LRRIQ3: variants seen among roughly 807,000 people sequenced by gnomAD.
The protein encoded by LRRIQ3 is leucine-rich repeat and IQ domain-containing protein 3.
Under a neutral mutation model 59.3 loss-of-function variants are expected in LRRIQ3, and 75 were observed. That is an observed-to-expected ratio of 1.26 (90% CI 1.05 to 1.53). The LOEUF (loss-of-function observed/expected upper bound fraction) is 1.53. LRRIQ3 is among the 40% of genes most tolerant of loss of function. The probability of loss-of-function intolerance (pLI) is 0.00; values close to 1 mark genes in which losing one functional copy is unlikely to be tolerated. For missense variants in LRRIQ3, 831 were observed against 710.0 expected, an observed-to-expected ratio of 1.17 and a Z score of -1.94; for synonymous variants, 250 against 231.3, an observed-to-expected ratio of 1.08 and a Z score of -0.73.
intron 7 of LRRIQ3, among the ~76,000 whole-genome samples, chr1:74,032,479 C>G (rs1473850420): frequency 2.0e-5 from 3 of 151,944 alleles, no homozygotes; most frequent in African/African-American, 7.2e-5. Context: ...GGTCCTCATC[C>G]AGATCAGTGG....
intron 4 of LRRIQ3, among the ~76,000 whole-genome samples, chr1:74,123,005 G>T (rs185737169): frequency 1.1e-4 from 16 of 152,182 alleles, no homozygotes; most frequent in African/African-American, 3.6e-4. Context: ...TCTGGCCTGG[G>T]CCTATTTCAT....
chr1:74,184,468 C>T (rs1650224181), intron 1 of LRRIQ3, among the ~76,000 whole-genome samples: 1 of 152,042 alleles, frequency 6.6e-6, no homozygotes, highest in Non-Finnish European at 1.5e-5. Context: ...GTTTTAAGAT[C>T]AACATTCCCC....
intron 7 of LRRIQ3, among the ~76,000 whole-genome samples, chr1:74,033,905 A>G (rs1482057711): frequency 6.6e-6 from 1 of 152,104 alleles, no homozygotes; most frequent in Admixed American, 6.6e-5. Flanking sequence ...TGGCTTGAAC[A>G]GTATCATCAC....
intron 4 of LRRIQ3, among the ~76,000 whole-genome samples, chr1:74,111,312 T>G (rs542296455): frequency 6.6e-6 from 1 of 152,010 alleles, no homozygotes; most frequent in Non-Finnish European, 1.5e-5. Context: ...GCTTTTTACA[T>G]AGTCTGGTCT....
At chr1:74,146,125 G>A (rs939195056) in intron 4 of LRRIQ3, among the ~76,000 whole-genome samples, 4 of 152,114 alleles carry the variant, frequency 2.6e-5, no homozygotes, top group East Asian at 1.9e-4. Context: ...TTGTCTAAGT[G>A]TAGTAGGCTA....
At chr1:74,121,205 C>T (rs533811542) in intron 4 of LRRIQ3, among the ~76,000 whole-genome samples, 1 of 152,024 alleles carries the variant, frequency 6.6e-6, no homozygotes, top group Admixed American at 6.6e-5. Context: ...GCTTATTGGT[C>T]TACAGAGATA....
chr1:74,082,986 A>G (rs1459080744), intron 5 of LRRIQ3: 2 of 151,706 alleles, frequency 1.3e-5, no homozygotes, highest in Admixed American at 1.3e-4. Flanking sequence ...GAAGCCTAAA[A>G]TGACTGTCTC....
At chr1:74,050,559 A>T (rs1654340911) in intron 6 of LRRIQ3, 1 of 985,428 alleles carries the variant, frequency 1.0e-6, no homozygotes, top group Non-Finnish European at 1.2e-6. Context: ...CGTATTGCAG[A>T]TTTATGAACC....
At chr1:74,115,629 G>C (rs555202707) in intron 4 of LRRIQ3, among the ~76,000 whole-genome samples, 2 of 152,254 alleles carry the variant, frequency 1.3e-5, no homozygotes, top group South Asian at 4.1e-4. Context: ...AGACAGTCCA[G>C]ATCTCAAGAT....
chr1:74,039,760 C>T (rs187804883), intron 7 of LRRIQ3, among the ~76,000 whole-genome samples: 16 of 152,288 alleles, frequency 1.1e-4, no homozygotes, highest in Admixed American at 3.3e-4. Context: ...ACCACCAGGC[C>T]TGCCTTGCAA....
At chr1:74,065,297 G>T (rs1654836161) in intron 6 of LRRIQ3, among the ~76,000 whole-genome samples, 1 of 152,008 alleles carries the variant, frequency 6.6e-6, no homozygotes, top group East Asian at 1.9e-4. Flanking sequence ...TTTTATGCTG[G>T]TCTAATTTTA....
At chr1:74,122,467 G>A (rs545587186) in intron 4 of LRRIQ3, among the ~76,000 whole-genome samples, 1 of 151,972 alleles carries the variant, frequency 6.6e-6, no homozygotes, top group South Asian at 2.1e-4. Flanking sequence ...CATGGTACTG[G>A]TACCAAAACA....
At chr1:74,101,819 A>G (rs865811618) in intron 5 of LRRIQ3, among the ~76,000 whole-genome samples, 5 of 152,248 alleles carry the variant, frequency 3.3e-5, no homozygotes, top group Middle Eastern at 3.4e-3. Context: ...ACAAAAAACC[A>G]AACACCGCAT....
At chr1:74,157,252 A>C (rs143755041) in intron 3 of LRRIQ3, among the ~76,000 whole-genome samples, 2 of 152,038 alleles carry the variant, frequency 1.3e-5, no homozygotes, top group African/African-American at 4.8e-5. Flanking sequence ...GAACTCCATC[A>C]ATTAACTCCC....
At chr1:74,070,390 C>T (rs966636518) in intron 6 of LRRIQ3, among the ~76,000 whole-genome samples, 2 of 151,900 alleles carry the variant, frequency 1.3e-5, no homozygotes, top group African/African-American at 4.8e-5. Context: ...AAATGAAATA[C>T]CACAGGATCT....
chr1:74,055,776 C>A (rs538857542), intron 6 of LRRIQ3, among the ~76,000 whole-genome samples: 1 of 152,188 alleles, frequency 6.6e-6, no homozygotes, highest in South Asian at 2.1e-4. Flanking sequence ...TTGAAGACTG[C>A]CAATCTGTTT....
chr1:74,189,364 A>T (rs186361567), intron 1 of LRRIQ3, among the ~76,000 whole-genome samples: 1 of 152,282 alleles, frequency 6.6e-6, no homozygotes, highest in East Asian at 1.9e-4. Context: ...AGCACCCTAT[A>T]AACTAAGTAC....
At chr1:74,056,724 T>A (rs959295614) in intron 6 of LRRIQ3, among the ~76,000 whole-genome samples, 1 of 151,902 alleles carries the variant, frequency 6.6e-6, no homozygotes, top group Non-Finnish European at 1.5e-5. Context: ...AACACAAAAA[T>A]AAATGGAAAA....
intron 5 of LRRIQ3, among the ~76,000 whole-genome samples, chr1:74,093,473 C>T (rs1047218230): frequency 1.3e-5 from 2 of 151,994 alleles, no homozygotes; most frequent in Non-Finnish European, 2.9e-5. Flanking sequence ...ACTTTATATG[C>T]TAGGTATGTA....
Sources: gnomAD v4.1 joint callset for allele counts (sites outside exome capture counted in the v4.1 genomes callset) on GRCh38, gnomAD v4.1.1 for gene constraint, MANE v1.5 for transcripts, NCBI Gene and HGNC (gene_info 2026-07-23, HGNC 2026-07-21) for gene names.